PELO: variants seen among roughly 807,000 people sequenced by gnomAD.
PELO encodes the protein pelota mRNA surveillance and ribosome rescue factor.
Under a neutral mutation model 25.9 loss-of-function variants are expected in PELO, and 19 were observed. The observed-to-expected ratio is 0.73, with a 90% CI of 0.51 to 1.08. PELO has a LOEUF of 1.08. PELO is among the 50% of genes least tolerant of loss of function. PELO has a pLI of 0.00. For missense variants in PELO, 498 were observed against 491.4 expected (o/e 1.01, Z -0.13); for synonymous variants, 196 against 192.2 (o/e 1.02, Z -0.16).
At chr5:52,797,748 GAAA>G (rs1408739999) in intron 1 of PELO, among the ~76,000 whole-genome samples, 2 of 152,190 alleles carry the variant, frequency 1.3e-5, no homozygotes, top group Non-Finnish European at 2.9e-5. Context: ...ATGTGATCTT[GAAA>G]ACATTTCTTA....
chr5:52,801,525 C>T lies in PELO; in HGVS notation c.843C>T (p.Phe281=). 2 of 1,614,136 alleles carry T rather than the reference C, an allele frequency of 1.2e-6. No homozygotes were observed. The highest frequency in any genetic ancestry group is 1.7e-6 in the Non-Finnish European group (2 of 1,180,006). ...AAGEVKALDD[F]YKMLQHEPDR... ...GGGAAGTCAAAGCCTTGGATGACTT[C>T]TATAAAATGTTACAGCATGAACCGG... Residue 281 remains phenylalanine, a synonymous_variant, in exon 3 of 3, where the codon TTC becomes TTT. Transcript: ENST00000274311.
At chr5:52,801,311 T>TG in intron 2 of PELO, 98 bp from the exon 3 acceptor site, 2 of 1,171,760 alleles carry the variant, frequency 1.7e-6, no homozygotes, top group Non-Finnish European at 2.4e-6. Flanking sequence ...CTGAAACATA[T>TG]GAAGCCTTAC....
At position 52,803,085 on chromosome 5, in the gene PELO, G is replaced by A. The variant is rs17209947; in HGVS notation, c.*1245G>A. 0.13 allele frequency: 19,652 copies of A among 152,152 alleles called. 1,324 individuals are homozygous for A. Among genetic ancestry groups the A allele is most frequent in the Middle Eastern group, 0.25 (74 of 294 alleles). 9.4% of individuals were successfully genotyped at this position (152,152 alleles called of 1,614,324 possible). ...TACAGTTTTTAACTGCTGGATCAGC[G>A]ACGCCTATTTCAAGTAGTGATACTA... On this transcript the variant is annotated 3_prime_UTR_variant, in exon 3 of 3. Coordinates refer to ENST00000274311, the MANE Select transcript of PELO (RefSeq NM_015946.5).
Position 52,801,509 on chromosome 5 carries a change from A to G in PELO, c.827A>G (p.Lys276Arg), listed in dbSNP as rs773635131. 2.5e-6 allele frequency: 4 copies of G among 1,614,074 alleles called. No homozygotes were observed. The highest frequency in any genetic ancestry group is 2.5e-6 in the Non-Finnish European group (3 of 1,179,918). The change falls in exon 3 of 3, where the codon AAA (lysine) becomes AGA (arginine). Residue 276 changes from lysine (K) to arginine (R), a missense_variant. Coordinates refer to ENST00000274311, the MANE Select transcript of PELO (RefSeq NM_015946.5). ...LSDTKAAGEV[K>R]ALDDFYKMLQ... ...GACACTAAAGCTGCTGGGGAAGTCA[A>G]AGCCTTGGATGACTTCTATAAAATG... is the stretch of plus-strand genomic sequence containing the variant.
chr5:52,792,331 C>A (rs1404308546), intron 1 of PELO, among the ~76,000 whole-genome samples: 5 of 152,076 alleles, frequency 3.3e-5, no homozygotes, highest in African/African-American at 1.2e-4. Flanking sequence ...CAATGGCAGA[C>A]AATGTATTGT....
intron 1 of PELO, among the ~76,000 whole-genome samples, chr5:52,792,518 C>T (rs1748261871): frequency 1.3e-5 from 2 of 152,106 alleles, no homozygotes; most frequent in African/African-American, 4.8e-5. Context: ...AACACTTACC[C>T]AGCTATTTTG....
rs1561212450 is a variant in PELO, at chr5:52,801,766, G to GAA, written c.1084_1085insAA (p.Val362GlufsTer2). On this transcript the variant is annotated frameshift_variant, in exon 3 of 3. Transcript: ENST00000274311. LOFTEE classifies it high-confidence loss of function. ...GGAACAGCTCAGCCAGTTGACTGGG[G>GAA]TAGCTGCCATTCTCCGCTTCCCTGT... 1 of 1,613,938 alleles carries GAA rather than the reference G, an allele frequency of 6.2e-7. No homozygotes were observed. The highest frequency in any genetic ancestry group is 8.5e-7 in the Non-Finnish European group (1 of 1,179,924).
intron 1 of PELO, among the ~76,000 whole-genome samples, chr5:52,798,512 C>T (rs1006339073): frequency 1.3e-5 from 2 of 151,984 alleles, no homozygotes; most frequent in African/African-American, 4.8e-5. Flanking sequence ...AGGACGTGCG[C>T]GGGGAAGACA....
Position 52,793,042 on chromosome 5 carries a change from A to T in PELO, c.-511+4628A>T, listed in dbSNP as rs553586098. Among the ~76,000 whole-genome samples the T allele has an allele frequency of 2.0e-5, 3 of 152,178 alleles. No homozygotes were observed. The East Asian group carries it at 5.8e-4, about 29-fold the overall frequency. On this transcript the variant is annotated intron_variant, in intron 1 of 2. Transcript: ENST00000274311. Reference sequence around the variant, plus strand: ...GGACTTTGCATAAGTAGTTACTCCCACTGCTACTGATCTCAATCCCTGAAT... The same window carrying T: ...GGACTTTGCATAAGTAGTTACTCCCTCTGCTACTGATCTCAATCCCTGAAT...
At chr5:52,798,483 C>T (rs556287435) in intron 1 of PELO, among the ~76,000 whole-genome samples, 23 of 152,076 alleles carry the variant, frequency 1.5e-4, no homozygotes, top group Non-Finnish European at 2.5e-4. Context: ...CATTTTAGGA[C>T]GTTTATTTGC....
At chr5:52,788,924 T>C (rs978405847) in intron 1 of PELO, among the ~76,000 whole-genome samples, 1 of 152,180 alleles carries the variant, frequency 6.6e-6, no homozygotes, top group Non-Finnish European at 1.5e-5. Context: ...AAGACGAAAC[T>C]GCCACTTGTT....
In PELO at chr5:52,800,454, C is replaced by G; in HGVS notation, c.60C>G (p.Pro20=). ...ATGCGGGCCAGGTGACCCTGGTCCC[C>G]GAGGAGCCTGAGGACATGTGGCACA... ...KDNAGQVTLV[P]EEPEDMWHTY... The change falls in exon 2 of 3, where the codon CCC becomes CCG. Residue 20 remains proline (P), a synonymous_variant. Coordinates refer to ENST00000274311, the MANE Select transcript of PELO (RefSeq NM_015946.5). 6.2e-7 allele frequency: 1 copy of G among 1,614,024 alleles called. No homozygotes were observed. The highest frequency in any genetic ancestry group is 8.5e-7 in the Non-Finnish European group (1 of 1,180,022).
rs1748386952 is a variant in PELO at position 52,798,368 on chromosome 5, G to A, written c.-510-1517G>A. 2.7e-5 allele frequency among the ~76,000 whole-genome samples: 4 copies of A among 150,288 alleles called. No individual in the cohort carries two copies. The South Asian group carries it at 8.5e-4, about 32-fold the overall frequency. ...TGGTTCTTATTTGGACTTTCCCCTT[G>A]GAGGGGACCTTTCCGTCCCCTGATA... On this transcript the variant is annotated intron_variant, in intron 1 of 2. Transcript: ENST00000274311.
Position 52,801,464 on chromosome 5 carries a change from C to A in PELO, c.782C>A (p.Thr261Asn), listed in dbSNP as rs775396002. 6.2e-7 allele frequency: 1 copy of A among 1,614,060 alleles called. No homozygotes were observed. The highest frequency in any genetic ancestry group is 8.5e-7 in the Non-Finnish European group (1 of 1,179,918). Residue 261 changes from threonine to asparagine, a missense_variant, in exon 3 of 3, where the codon ACT becomes AAT. Coordinates refer to ENST00000274311, the MANE Select transcript of PELO (RefSeq NM_015946.5). ...CTGAAAGAGGCCCTTTGTGACCCTA[C>A]TGTGGCTAGCCGCCTTTCAGACACT... is the stretch of plus-strand genomic sequence containing the variant. The part of the protein sequence containing the change: ...YSLKEALCDP[T>N]VASRLSDTKA...
chr5:52,801,106 T>C lies in PELO; in HGVS notation c.712T>C (p.Ser238Pro), dbSNP rs749638968. ...CAACAAACTGCTCCTGGAAAACCGG[T>C]CCAAATTTCTTCAGGTAAAACAATC... Reference protein sequence around the residue: ...TDNKLLLENRSKFLQVHASSG... With the variant: ...TDNKLLLENRPKFLQVHASSG... Residue 238 changes from serine to proline, a missense_variant, in exon 2 of 3, where the codon TCC becomes CCC. Ser to Pro is a moderately conservative substitution (Grantham distance 74). Transcript: ENST00000274311. The C allele has an allele frequency of 1.2e-6, 2 of 1,602,402 alleles. No homozygotes were observed. Among genetic ancestry groups the C allele is most frequent in the African/African-American group, 1.3e-5 (1 of 74,604 alleles).
Position 52,801,402 on chromosome 5 carries a change from A to T in PELO, c.727-7A>T. The stretch of plus-strand genomic sequence containing the variant: ...ATTTTGCCTAACTTTTGTAATTGTG[A>T]TTCTAGGTACATGCCTCCTCCGGAC... On this transcript the variant is annotated splice_polypyrimidine_tract_variant and splice_region_variant and intron_variant, in intron 2 of 2. Coordinates refer to ENST00000274311, the MANE Select transcript of PELO (RefSeq NM_015946.5). 1 of 1,604,238 alleles carries T rather than the reference A, an allele frequency of 6.2e-7. No homozygotes were observed. The highest frequency in any genetic ancestry group is 8.5e-7 in the Non-Finnish European group (1 of 1,173,676).
chr5:52,799,283 T>C (rs1457514740), intron 1 of PELO, among the ~76,000 whole-genome samples: 2 of 152,248 alleles, frequency 1.3e-5, no homozygotes, highest in African/African-American at 4.8e-5. Flanking sequence ...CTTTAAATTA[T>C]GTAGCTATTC....
rs777861421 is a variant in PELO, at chr5:52,800,902, A to C, written c.508A>C (p.Lys170Gln). The change falls in exon 2 of 3, where the codon AAA (lysine) becomes CAA (glutamine). Residue 170 changes from lysine (K) to glutamine (Q), a missense_variant. Transcript: ENST00000274311. ...RAKVEVNIPR[K>Q]RKGNCSQHDR... ...CAAGGTGGAGGTGAACATCCCTAGG[A>C]AAAGGAAAGGCAATTGCTCTCAGCA... The C allele has an allele frequency of 6.2e-6, 10 of 1,613,682 alleles. No homozygotes were observed. Among genetic ancestry groups the C allele is most frequent in the Non-Finnish European group, 8.5e-6 (10 of 1,179,820 alleles).
intron 1 of PELO, among the ~76,000 whole-genome samples, chr5:52,798,874 G>C (rs1019007007): frequency 2.0e-5 from 3 of 152,214 alleles, no homozygotes; most frequent in Admixed American, 2.0e-4. Context: ...TGAGCGAGGT[G>C]TGTAGCTTTT....
Sources: gnomAD v4.1 joint callset for allele counts (sites outside exome capture counted in the v4.1 genomes callset) on GRCh38, gnomAD v4.1.1 for gene constraint, MANE v1.5 for transcripts, NCBI Gene and HGNC (gene_info 2026-07-23, HGNC 2026-07-21) for gene names.